Variants in AGK observed in about 807,000 individuals in gnomAD.
AGK encodes the protein acylglycerol kinase, mitochondrial.
Under a neutral mutation model 66.4 loss-of-function variants are expected in AGK, and 52 were observed. The ratio of observed to expected loss-of-function variants is 0.78; its 90% CI spans 0.63 to 0.99. AGK has a LOEUF of 0.99. AGK is among the 50% of genes least tolerant of loss of function. AGK has a pLI of 0.00. For missense variants in AGK, 451 were observed against 506.6 expected (o/e 0.89, Z 1.05); for synonymous variants, 182 against 181.1 (o/e 1.00, Z -0.04).
chr7:141,630,210 C>G (rs1280390513), intron 9 of AGK, among the ~76,000 whole-genome samples: 2 of 152,188 alleles, frequency 1.3e-5, no homozygotes, highest in African/African-American at 4.8e-5. Context: ...CTCCCTTGGA[C>G]TAGAATCACT....
intron 9 of AGK, among the ~76,000 whole-genome samples, chr7:141,629,019 C>T (rs991857709): frequency 3.9e-5 from 6 of 152,188 alleles, no homozygotes; most frequent in Admixed American, 1.3e-4. Context: ...GGAGTTAGAA[C>T]CTTTCCCTTT....
chr7:141,560,795 C>CTTTTTTTT (rs71172604), intron 2 of AGK, among the ~76,000 whole-genome samples: 3 of 124,012 alleles, frequency 2.4e-5, no homozygotes, highest in East Asian at 2.3e-4. Flanking sequence ...GCCATTCTTT[C>CTTTTTTTT]TTTTTTTTTT....
intron 2 of AGK, among the ~76,000 whole-genome samples, chr7:141,580,198 G>A (rs1232341814): frequency 1.3e-5 from 2 of 151,956 alleles, no homozygotes; most frequent in African/African-American, 2.4e-5. Context: ...ATATTGATGC[G>A]TAGTCCTTTT....
chr7:141,615,778 G>A (rs1357644432), intron 8 of AGK: 2 of 546,840 alleles, frequency 3.7e-6, no homozygotes, highest in East Asian at 6.2e-5. Flanking sequence ...GTCAGGTAGG[G>A]AGGTGAATAC....
At chr7:141,562,676 A>G (rs1795375658) in intron 2 of AGK, among the ~76,000 whole-genome samples, 1 of 152,206 alleles carries the variant, frequency 6.6e-6, no homozygotes, top group South Asian at 2.1e-4. Flanking sequence ...CCACGCATTT[A>G]GTGTGGCTGG....
intron 2 of AGK, among the ~76,000 whole-genome samples, chr7:141,559,033 A>G (rs565405155): frequency 6.6e-6 from 1 of 152,198 alleles, no homozygotes; most frequent in Non-Finnish European, 1.5e-5. Flanking sequence ...TGTGAGATAT[A>G]GAATTTTCAA....
intron 2 of AGK, among the ~76,000 whole-genome samples, chr7:141,590,801 A>G (rs1409401615): frequency 6.6e-6 from 1 of 152,124 alleles, no homozygotes; most frequent in African/African-American, 2.4e-5. Flanking sequence ...ATTGGGAGGG[A>G]CGCAAGAAGA....
At chr7:141,618,375 C>A (rs1474927518) in intron 8 of AGK, among the ~76,000 whole-genome samples, 4 of 152,194 alleles carry the variant, frequency 2.6e-5, no homozygotes, top group African/African-American at 9.6e-5. Context: ...ACCTCAATTT[C>A]TCTTACATGT....
At chr7:141,620,368 C>T (rs1248404098) in intron 8 of AGK, among the ~76,000 whole-genome samples, 1 of 152,174 alleles carries the variant, frequency 6.6e-6, no homozygotes. Flanking sequence ...AGAAGTTACA[C>T]TTCCAGTTTC....
intron 11 of AGK, among the ~76,000 whole-genome samples, chr7:141,640,080 C>T (rs1797255525): frequency 6.6e-6 from 1 of 152,146 alleles, no homozygotes; most frequent in South Asian, 2.1e-4. Flanking sequence ...CACAATAAAA[C>T]CCCTCTCTTC....
intron 6 of AGK, among the ~76,000 whole-genome samples, chr7:141,613,737 A>G (rs940171394): frequency 3.3e-5 from 5 of 152,166 alleles, no homozygotes; most frequent in South Asian, 4.1e-4. Context: ...ATATTTGTCA[A>G]TAAGAACGAT....
At chr7:141,564,545 A>C (rs1469608597) in intron 2 of AGK, among the ~76,000 whole-genome samples, 1 of 152,144 alleles carries the variant, frequency 6.6e-6, no homozygotes, top group Non-Finnish European at 1.5e-5. Context: ...GGCCCCTCCC[A>C]TGACACATGG....
intron 2 of AGK, among the ~76,000 whole-genome samples, chr7:141,577,903 C>T (rs1350478027): frequency 3.3e-5 from 5 of 151,586 alleles, no homozygotes; most frequent in Non-Finnish European, 7.4e-5. Flanking sequence ...ACTGCAACCT[C>T]CCAGGTTCAA....
chr7:141,616,614 T>C (rs1330351365), intron 8 of AGK, among the ~76,000 whole-genome samples: 3 of 152,144 alleles, frequency 2.0e-5, no homozygotes, highest in East Asian at 1.9e-4. Flanking sequence ...CATACACACA[T>C]ATATATATGT....
At chr7:141,632,245 CAAA>C (rs138506133) in intron 9 of AGK, among the ~76,000 whole-genome samples, 11 of 147,630 alleles carry the variant, frequency 7.5e-5, no homozygotes, top group African/African-American at 2.5e-4. Context: ...AAAAAAAAAA[CAAA>C]AAAAACCCAC....
chr7:141,646,170 C>T (rs536868030), intron 13 of AGK, among the ~76,000 whole-genome samples: 1 of 152,106 alleles, frequency 6.6e-6, no homozygotes, highest in South Asian at 2.1e-4. Flanking sequence ...CAAGAGAGCC[C>T]CATGGAGAGG....
chr7:141,643,094 A>G (rs1246010595), intron 13 of AGK, among the ~76,000 whole-genome samples: 1 of 152,204 alleles, frequency 6.6e-6, no homozygotes, highest in African/African-American at 2.4e-5. Context: ...TCCAATATTA[A>G]TAGAGTGATA....
At chr7:141,618,768 GC>G (rs1383347985) in intron 8 of AGK, among the ~76,000 whole-genome samples, 3 of 152,108 alleles carry the variant, frequency 2.0e-5, no homozygotes, top group Non-Finnish European at 4.4e-5. Context: ...ATTAGGAGGT[GC>G]CCTGTTTGGT....
chr7:141,641,495 C>T (rs1797289401), intron 12 of AGK, 97 bp downstream of exon 12: 5 of 1,343,162 alleles, frequency 3.7e-6, no homozygotes, highest in Non-Finnish European at 5.1e-6. Flanking sequence ...TTAACTAGAG[C>T]AGGAGAAGCC....
Sources: gnomAD v4.1 joint callset for allele counts (sites outside exome capture counted in the v4.1 genomes callset) on GRCh38, gnomAD v4.1.1 for gene constraint, MANE v1.5 for transcripts, NCBI Gene and HGNC (gene_info 2026-07-23, HGNC 2026-07-21) for gene names.